LILRB2: variants seen among roughly 807,000 people sequenced by gnomAD.
LILRB2 encodes the protein leukocyte immunoglobulin-like receptor subfamily B member 2.
A neutral mutation model predicts 72.7 loss-of-function variants in LILRB2; 47 were observed. The ratio of observed to expected loss-of-function variants is 0.65; its 90% CI spans 0.51 to 0.82. The LOEUF is 0.82. Among genes scored for constraint, LILRB2 ranks in the 40% least tolerant of loss-of-function variants. The probability of loss-of-function intolerance (pLI) is 0.00; values close to 1 mark genes in which losing one functional copy is unlikely to be tolerated. For synonymous variants in LILRB2, 279 were observed against 313.7 expected, an observed-to-expected ratio of 0.89 and a Z score of 1.17; for missense variants, 767 against 764.8, an observed-to-expected ratio of 1.00 and a Z score of -0.03.
In LILRB2 at chr19:54,276,289, A is replaced by G. The variant is rs1423047204; in HGVS notation, c.1569T>C (p.Ala523=). ...AGAGGTTTTCTTCCTGGGCGTCGGC[A>G]GCTGGGCTGGACCTGGGGGAGGAAT... The part of the protein sequence containing the change: ...DRGLQWRSSP[A]ADAQEENLYA... Residue 523 remains alanine (A), a synonymous_variant, in exon 12 of 14, where the codon GCT becomes GCC. Transcript: ENST00000314446. The G allele has an allele frequency of 2.5e-6, 4 of 1,614,058 alleles. No individual in the cohort carries two copies. The highest frequency in any genetic ancestry group is 3.4e-6 in the Non-Finnish European group (4 of 1,180,032).
At chr19:54,276,594 C>G in intron 10 of LILRB2, 138 bp from the exon 11 acceptor site, 1 of 1,437,930 alleles carries the variant, frequency 7.0e-7, no homozygotes, top group Admixed American at 2.3e-5. Context: ...TGGACAGAGT[C>G]CGAAGGACAC....
At position 54,279,089 on chromosome 19, in the gene LILRB2, T is replaced by A. The variant is rs1243334497; in HGVS notation, c.678A>T (p.Ser226=). 3 of 1,612,720 alleles carry A rather than the reference T, an allele frequency of 1.9e-6. No homozygotes were observed. The highest frequency in any genetic ancestry group is 2.5e-6 in the Non-Finnish European group (3 of 1,179,088). The change falls in exon 6 of 14, where the codon TCA becomes TCT. Residue 226 remains serine (S), a synonymous_variant. Coordinates refer to ENST00000314446, the MANE Select transcript of LILRB2 (RefSeq NM_001080978.4). The part of the protein sequence containing the change: ...LLVPGVSKKP[S]LSVQPGPVMA... ...TGACAGGACCCGGCTGCACTGAGAGTGATGGCTTCTTAGAAACACCTGGGA... is the reference window on the plus strand; with the variant it reads ...TGACAGGACCCGGCTGCACTGAGAGAGATGGCTTCTTAGAAACACCTGGGA...
At position 54,274,342 on chromosome 19, in the gene LILRB2, C is replaced by G; in HGVS notation, c.*341G>C. The G allele has an allele frequency of 4.7e-6, 1 of 211,260 alleles. No homozygotes were observed. Among genetic ancestry groups the G allele is most frequent in the African/African-American group, 2.4e-5 (1 of 41,758 alleles). 13.1% of individuals were successfully genotyped at this position (211,260 alleles called of 1,614,324 possible). A position where few individuals can be genotyped will look rare whatever the true frequency, so the allele number is the denominator to read the frequency against. ...ATTTCCTAGTTTTTTTTTTTCGTTT[C>G]TACTTTTTTCATTTGTGGTTTGTAC... On this transcript the variant is annotated 3_prime_UTR_variant, in exon 14 of 14. Coordinates refer to ENST00000314446, the MANE Select transcript of LILRB2 (RefSeq NM_001080978.4).
rs759216840 is a variant in LILRB2 at position 54,280,548 on chromosome 19, G to A, written c.-48-4C>T. 6.2e-7 allele frequency: 1 copy of A among 1,613,866 alleles called. No individual in the cohort carries two copies. Among genetic ancestry groups the A allele is most frequent in the South Asian group, 1.1e-5 (1 of 91,076 alleles). On this transcript the variant is annotated splice_region_variant and splice_polypyrimidine_tract_variant and intron_variant, in intron 1 of 13. Coordinates refer to ENST00000314446, the MANE Select transcript of LILRB2 (RefSeq NM_001080978.4). The stretch of plus-strand genomic sequence containing the variant: ...GCGGATGGATGAGCCCTCGGTGCTG[G>A]CGGGACAGAGACACACAGAGAGAAA...
chr19:54,277,190 AGAGCCGAGCCCCG>A, intron 9 of LILRB2: 1 of 1,527,558 alleles, frequency 6.5e-7, no homozygotes, highest in Non-Finnish European at 8.9e-7. Flanking sequence ...TTCCTGCACC[AGAGCCGAGCCCCG>A]GAGCTGCAGG....
chr19:54,275,044 G>C, intron 13 of LILRB2: 1 of 1,608,636 alleles, frequency 6.2e-7, no homozygotes, highest in Non-Finnish European at 8.5e-7. Flanking sequence ...CACTGCCTGG[G>C]GGTCTTCATC....
At chr19:54,277,226 C>A (rs1295350591) in intron 9 of LILRB2, 1 of 1,536,644 alleles carries the variant, frequency 6.5e-7, no homozygotes, top group East Asian at 2.5e-5. Context: ...AAGAGCCTTA[C>A]CGTCCTGAAC....
At position 54,278,857 on chromosome 19, in the gene LILRB2, A is replaced by G. The variant is rs1335601200; in HGVS notation, c.910T>C (p.Ser304Pro). Residue 304 changes from serine to proline, a missense_variant, in exon 6 of 14, where the codon TCT becomes CCT. Physicochemically the swap from Ser to Pro is moderately conservative, Grantham distance 74 (BLOSUM62 -1). This residue lies in a region of LILRB2 where 599 missense variants were observed against 568.2 expected (regional missense o/e 1.05). Coordinates refer to ENST00000314446, the MANE Select transcript of LILRB2 (RefSeq NM_001080978.4). ...GGGTCGCTGGGGGCCGAGCACTCAG[A>G]GGAGAGGTTGTGTGCACCGTAGCAT... The part of the protein sequence containing the change: ...YRCYGAHNLS[S>P]ECSAPSDPLD... The G allele has an allele frequency of 9.9e-6, 16 of 1,613,338 alleles. No individual in the cohort carries two copies. The highest frequency in any genetic ancestry group is 4.0e-5 in the African/African-American group (3 of 74,876).
At position 54,274,559 on chromosome 19, in the gene LILRB2, C is replaced by G; in HGVS notation, c.*124G>C. 1 of 1,535,998 alleles carries G rather than the reference C, an allele frequency of 6.5e-7. No individual in the cohort carries two copies. The highest frequency in any genetic ancestry group is 2.3e-5 in the East Asian group (1 of 43,304). On this transcript the variant is annotated 3_prime_UTR_variant, in exon 14 of 14. Transcript: ENST00000314446. ...TGAGTCCCAAAGTTCCCAGCATCTC[C>G]TCATGGTCTTTGTTAGGGGTCCAGG...
At position 54,274,040 on chromosome 19, in the gene LILRB2, G is replaced by C. The variant is rs2080099269; in HGVS notation, c.*643C>G. 1 of 152,740 alleles carries C rather than the reference G, an allele frequency of 6.5e-6. No homozygotes were observed. Among genetic ancestry groups the C allele is most frequent in the Non-Finnish European group, 1.5e-5 (1 of 68,450 alleles). The allele number at this position is 152,740 out of a possible 1,614,324, so 9.5% of individuals were successfully genotyped here. Reference sequence around the variant, plus strand: ...AGGTTTGCAGCCTGTTCTGGGGTTAGTTTGTGAAAATGTGTGTAGGATCTG... The same window carrying C: ...AGGTTTGCAGCCTGTTCTGGGGTTACTTTGTGAAAATGTGTGTAGGATCTG... On this transcript the variant is annotated 3_prime_UTR_variant, in exon 14 of 14. Transcript: ENST00000314446.
intron 10 of LILRB2, 48 bp from the exon 11 acceptor site, chr19:54,276,504 C>G: frequency 1.5e-6 from 2 of 1,316,068 alleles, no homozygotes; most frequent in Non-Finnish European, 2.1e-6. Flanking sequence ...TTGGAGCCCC[C>G]TGCCCTGCAC....
At chr19:54,276,706 C>G in intron 10 of LILRB2, 101 bp downstream of exon 10, 1 of 1,522,574 alleles carries the variant, frequency 6.6e-7, no homozygotes, top group Non-Finnish European at 8.8e-7. Context: ...AATGCTGGAA[C>G]AGTTTCTCAA....
intron 9 of LILRB2, 88 bp from the exon 10 acceptor site, chr19:54,277,017 C>T: frequency 6.6e-7 from 1 of 1,523,964 alleles, no homozygotes; most frequent in Non-Finnish European, 8.9e-7. Context: ...TTCTGTTCAC[C>T]ACCTCCAACC....
chr19:54,279,845 A>T lies in LILRB2; in HGVS notation c.301T>A (p.Tyr101Asn), dbSNP rs1003302337. The T allele has an allele frequency of 1.2e-6, 2 of 1,613,942 alleles. No individual in the cohort carries two copies. The highest frequency in any genetic ancestry group is 1.7e-6 in the Non-Finnish European group (2 of 1,179,972). The change falls in exon 4 of 14, where the codon TAC becomes AAC. Residue 101 changes from tyrosine (Y) to asparagine (N), a missense_variant. Tyr to Asn is a moderately radical substitution (Grantham distance 143, BLOSUM62 -2). Transcript: ENST00000314446. ...EHTGRYGCQY[Y>N]SRARWSELSD... ...AGCTCAGACCACCGAGCGCGGCTGT[A>T]ATACTGACAGCCATATCGCCCTGTG...
Position 54,274,159 on chromosome 19 carries a change from T to C in LILRB2, c.*524A>G, listed in dbSNP as rs1160244576. ...AGTTAGGATTTATGACTGTAATTAA[T>C]ATTTTCAAGAATGAGCTTCATTGGC... On this transcript the variant is annotated 3_prime_UTR_variant, in exon 14 of 14. Transcript: ENST00000314446. The C allele has an allele frequency of 6.4e-6, 1 of 157,436 alleles. No homozygotes were observed. Among genetic ancestry groups the C allele is most frequent in the East Asian group, 1.9e-4 (1 of 5,290 alleles). The allele number at this position is 157,436 out of a possible 1,614,324, so 9.8% of individuals were successfully genotyped here.
chr19:54,276,145 G>A, intron 12 of LILRB2, 119 bp downstream of exon 12: 2 of 1,564,062 alleles, frequency 1.3e-6, no homozygotes, highest in Non-Finnish European at 1.8e-6. Flanking sequence ...ACAGTGTGGG[G>A]TGAGATGATC....
rs2080400552 is a variant in LILRB2 at position 54,278,941 on chromosome 19, G to A, written c.826C>T (p.Leu276Phe). The change falls in exon 6 of 14, where the codon CTC becomes TTC. Residue 276 changes from leucine (L) to phenylalanine (F), a missense_variant. Coordinates refer to ENST00000314446, the MANE Select transcript of LILRB2 (RefSeq NM_001080978.4). ...QLPGRQPQAG[L>F]SQANFTLGPV... ...CCCAGGGTGAAGTTGGCCTGGGAGA[G>A]CCCAGCCTGGGGCTGCCGGCCAGGG... The A allele has an allele frequency of 1.2e-6, 2 of 1,614,058 alleles. No individual in the cohort carries two copies. The highest frequency in any genetic ancestry group is 1.1e-5 in the South Asian group (1 of 91,094).
At position 54,280,275 on chromosome 19, in the gene LILRB2, C is replaced by T. The variant is rs383369; in HGVS notation, c.59G>A (p.Arg20His). Residue 20 changes from arginine (R) to histidine (H), a missense_variant, in exon 3 of 14, where the codon CGC (arginine) becomes CAC (histidine). By Grantham distance (29) the Arg-to-His change is conservative (BLOSUM62 0). Transcript: ENST00000314446. ...CLGLSLGPRT[R>H]VQTGTIPKPT... Reference sequence around the variant, plus strand: ...GGGGACAGACTCACCTGTCTGCACGCGGGTCCTGGGGCCCAGACTCAGCCC... The same window carrying T: ...GGGGACAGACTCACCTGTCTGCACGTGGGTCCTGGGGCCCAGACTCAGCCC... The T allele has an allele frequency of 0.79, 1,279,060 of 1,613,590 alleles. 515,554 individuals carry two copies. The highest frequency in any genetic ancestry group is 0.91 in the African/African-American group (68,352 of 74,942).
Position 54,274,588 on chromosome 19 carries a change from A to T in LILRB2, c.*95T>A. The T allele has an allele frequency of 6.3e-7, 1 of 1,594,810 alleles. No homozygotes were observed. The highest frequency in any genetic ancestry group is 8.6e-7 in the Non-Finnish European group (1 of 1,168,104). Reference sequence around the variant, plus strand: ...TGGTCTTTGTTAGGGGTCCAGGCTGACTGGGGTTCATTGGTGTCCACTGGG... The same window carrying T: ...TGGTCTTTGTTAGGGGTCCAGGCTGTCTGGGGTTCATTGGTGTCCACTGGG... On this transcript the variant is annotated 3_prime_UTR_variant, in exon 14 of 14. Coordinates refer to ENST00000314446, the MANE Select transcript of LILRB2 (RefSeq NM_001080978.4).
Sources: allele counts gnomAD v4.1 joint callset, GRCh38; gene constraint gnomAD v4.1.1; regional missense constraint gnomAD v4.1.1; transcripts MANE v1.5; gene names NCBI Gene and HGNC (gene_info 2026-07-23, HGNC 2026-07-21).